Variants in DPP6 observed in about 807,000 individuals in gnomAD.
The protein encoded by DPP6 is A-type potassium channel modulatory protein DPP6.
In DPP6, 69 loss-of-function variants were observed where a neutral mutation model predicts 122.6. The observed-to-expected ratio is 0.56, with a 90% CI of 0.46 to 0.69. The LOEUF (loss-of-function observed/expected upper bound fraction) is 0.69, where lower values mean the gene tolerates loss of function less well. Ranked by LOEUF, DPP6 falls within the 30% of genes least tolerant of loss-of-function variation. DPP6 has a pLI of 0.00. For synonymous variants in DPP6, 418 were observed against 433.1 expected, an observed-to-expected ratio of 0.97 and a Z score of 0.43; for missense variants, 928 against 1,116.9, an observed-to-expected ratio of 0.83 and a Z score of 2.41.
chr7:154,610,703 T>TTC (rs201955031), intron 5 of DPP6, among the ~76,000 whole-genome samples: 1 of 113,796 alleles, frequency 8.8e-6, no homozygotes, highest in African/African-American at 3.1e-5. Flanking sequence ...GTCTGTGTTG[T>TTC]TCTCTGTGTG....
chr7:153,885,580 C>G (rs1307515770), upstream of DPP6, among the ~76,000 whole-genome samples: 1 of 152,134 alleles, frequency 6.6e-6, no homozygotes, highest in African/African-American at 2.4e-5. Flanking sequence ...GGACTTCCAG[C>G]CTCCAGAACT....
At chr7:154,302,771 A>G (rs1435526869) in intron 1 of DPP6, among the ~76,000 whole-genome samples, 1 of 152,222 alleles carries the variant, frequency 6.6e-6, no homozygotes. Context: ...ACCGCTGAGC[A>G]TTCCCTGTGG....
intron 1 of DPP6, among the ~76,000 whole-genome samples, chr7:154,416,940 G>T (rs929342927): frequency 6.6e-6 from 1 of 152,098 alleles, no homozygotes; most frequent in Non-Finnish European, 1.5e-5. Flanking sequence ...TCTAAAAGGG[G>T]CTCATAGGCT....
intron 8 of DPP6, among the ~76,000 whole-genome samples, chr7:154,762,989 G>A (rs549733146): frequency 2.6e-5 from 4 of 152,330 alleles, no homozygotes; most frequent in South Asian, 2.1e-4. Flanking sequence ...AATCTTAGTC[G>A]TGCTAGTTCC....
chr7:154,027,477 G>A (rs1264375558), intron 1 of DPP6, among the ~76,000 whole-genome samples: 1 of 152,138 alleles, frequency 6.6e-6, no homozygotes, highest in Non-Finnish European at 1.5e-5. Flanking sequence ...GGTGGAAGGG[G>A]TGAGGGGTCT....
chr7:154,627,672 G>C (rs1835171531), intron 5 of DPP6, among the ~76,000 whole-genome samples: 1 of 152,196 alleles, frequency 6.6e-6, no homozygotes, highest in Non-Finnish European at 1.5e-5. Context: ...ATTCATTCAG[G>C]AAGTTTTCCA....
intron 3 of DPP6, among the ~76,000 whole-genome samples, chr7:154,504,587 G>GAAA (rs907243681): frequency 6.6e-6 from 1 of 152,046 alleles, no homozygotes; most frequent in African/African-American, 2.4e-5. Context: ...TAATTTTTAT[G>GAAA]AAAAATTACT....
chr7:154,480,438 A>T (rs6958895), intron 3 of DPP6, among the ~76,000 whole-genome samples: 59,752 of 151,952 alleles, frequency 0.39, 12,143 homozygotes, highest in Middle Eastern at 0.48. Context: ...TCAGACCCCA[A>T]CTTATTTTAC....
At chr7:153,846,687 C>CTTTTTTT in the DPP6 span, among the ~76,000 whole-genome samples, 28 of 78,214 alleles carry the variant, frequency 3.6e-4, no homozygotes, top group South Asian at 5.6e-4. Context: ...TGGCTTGGTT[C>CTTTTTTT]TTTTTTTTTT....
intron 1 of DPP6, among the ~76,000 whole-genome samples, chr7:153,921,404 C>T (rs1483818776): frequency 1.3e-5 from 2 of 152,130 alleles, no homozygotes; most frequent in African/African-American, 4.8e-5. Context: ...TCACATTGTT[C>T]CAAAAACTAT....
At chr7:154,020,883 A>G (rs1798665452) in intron 1 of DPP6, among the ~76,000 whole-genome samples, 1 of 151,894 alleles carries the variant, frequency 6.6e-6, no homozygotes, top group Non-Finnish European at 1.5e-5. Flanking sequence ...AAAGGGCAAG[A>G]CTCCTTGGTG....
intron 1 of DPP6, among the ~76,000 whole-genome samples, chr7:154,223,657 G>T (rs983519307): frequency 6.7e-6 from 1 of 149,280 alleles, no homozygotes; most frequent in Non-Finnish European, 1.5e-5. Flanking sequence ...GCCAAGTCCT[G>T]TTGGGCGGGG....
At chr7:153,805,054 A>G in the DPP6 span, among the ~76,000 whole-genome samples, 1 of 152,192 alleles carries the variant, frequency 6.6e-6, no homozygotes, top group Admixed American at 6.5e-5. Context: ...AAACAAGTTT[A>G]TTTCATTTGT....
chr7:153,809,596 T>A, the DPP6 span, among the ~76,000 whole-genome samples: 12 of 152,222 alleles, frequency 7.9e-5, no homozygotes, highest in African/African-American at 2.9e-4. Flanking sequence ...CTTGCAGCCC[T>A]TTCCTTGGTG....
intron 1 of DPP6, among the ~76,000 whole-genome samples, chr7:154,203,825 CCCT>C (rs1221277381): frequency 6.6e-6 from 1 of 152,196 alleles, no homozygotes; most frequent in Non-Finnish European, 1.5e-5. Flanking sequence ...AACCCCGTTT[CCCT>C]CCTCAAGTCG....
chr7:154,622,239 G>A (rs754231834), intron 5 of DPP6, among the ~76,000 whole-genome samples: 48 of 152,082 alleles, frequency 3.2e-4, no homozygotes, highest in Non-Finnish European at 5.4e-4. Flanking sequence ...ATGATATAGC[G>A]ACAATGGCAC....
At chr7:154,835,708 G>A (rs975201241) in intron 16 of DPP6, among the ~76,000 whole-genome samples, 2 of 152,216 alleles carry the variant, frequency 1.3e-5, no homozygotes, top group African/African-American at 4.8e-5. Flanking sequence ...TGATTCAGAT[G>A]CAGTTCAGAG....
At chr7:154,890,744 G>A (rs753245616) in intron 25 of DPP6, 5 of 152,318 alleles carry the variant, frequency 3.3e-5, no homozygotes, top group Non-Finnish European at 5.9e-5. Context: ...CCCCAGGTAA[G>A]AGCACGGGAG....
intron 16 of DPP6, among the ~76,000 whole-genome samples, chr7:154,843,448 A>G (rs555803514): frequency 6.6e-6 from 1 of 152,216 alleles, no homozygotes; most frequent in East Asian, 1.9e-4. Context: ...TTTCCCTCAG[A>G]CTTAGACCAG....
Sources: allele counts gnomAD v4.1 joint callset (sites outside exome capture counted in the v4.1 genomes callset), GRCh38; gene constraint gnomAD v4.1.1; transcripts MANE v1.5; gene names NCBI Gene and HGNC (gene_info 2026-07-23, HGNC 2026-07-21).